Variants in ESR1 observed in about 807,000 individuals in gnomAD.
ESR1 encodes the protein estrogen receptor.
ESR1 carries 12 observed loss-of-function variants against 52.7 expected under a neutral mutation model. That is an observed-to-expected ratio of 0.23 (90% CI 0.15 to 0.37). ESR1 has a LOEUF of 0.37. ESR1 is among the 10% of genes least tolerant of loss of function. The pLI is 1.00. For synonymous variants in ESR1, 305 were observed against 316.8 expected (o/e 0.96, Z 0.39); for missense variants, 584 against 779.7 (o/e 0.75, Z 2.99).
chr6:151,793,644 A>G (rs1776420334), intron 2 of ESR1, among the ~76,000 whole-genome samples: 1 of 152,166 alleles, frequency 6.6e-6, no homozygotes, highest in Non-Finnish European at 1.5e-5. Context: ...CAATGTCAGG[A>G]GGCAATAGGA....
intron 1 of ESR1, among the ~76,000 whole-genome samples, chr6:151,671,494 C>T (rs1778057332): frequency 6.6e-6 from 1 of 152,000 alleles, no homozygotes; most frequent in Non-Finnish European, 1.5e-5. Context: ...AACTCGTAGA[C>T]ACAGAGAGGA....
chr6:151,913,265 C>T (rs1412558630), intron 3 of ESR1, among the ~76,000 whole-genome samples: 2 of 152,168 alleles, frequency 1.3e-5, no homozygotes, highest in Admixed American at 6.5e-5. Context: ...TACTTTGTCA[C>T]GTCACATGCC....
upstream of ESR1, among the ~76,000 whole-genome samples, chr6:151,806,093 T>C (rs1369191192): frequency 6.6e-6 from 1 of 152,220 alleles, no homozygotes; most frequent in Admixed American, 6.5e-5. Flanking sequence ...TTATGGAAAT[T>C]AAATCATCTG....
intron 4 of ESR1, among the ~76,000 whole-genome samples, chr6:151,985,076 A>T (rs1019738363): frequency 5.9e-5 from 9 of 152,132 alleles, no homozygotes; most frequent in Non-Finnish European, 1.0e-4. Context: ...CCCAACATAG[A>T]GTACTACACA....
intron 5 of ESR1, among the ~76,000 whole-genome samples, chr6:152,025,252 G>C (rs1003508351): frequency 6.6e-4 from 96 of 145,862 alleles, no homozygotes; most frequent in African/African-American, 2.3e-3. Flanking sequence ...TACAAAAATA[G>C]TTTGGAAGTT....
intron 2 of ESR1, among the ~76,000 whole-genome samples, chr6:151,790,323 A>G (rs1432750601): frequency 2.6e-5 from 4 of 152,208 alleles, no homozygotes; most frequent in African/African-American, 9.6e-5. Flanking sequence ...GTGGTGGGCC[A>G]GAGTTCTCTT....
At chr6:151,694,526 G>T (rs772181839) in intron 1 of ESR1, among the ~76,000 whole-genome samples, 1 of 152,146 alleles carries the variant, frequency 6.6e-6, no homozygotes, top group African/African-American at 2.4e-5. Flanking sequence ...GGTGGTTCAC[G>T]CCTATAATCC....
rs559247402 is a variant in ESR1, at chr6:151,868,308, A to G, written c.644-12347A>G. Among the ~76,000 whole-genome samples the G allele has an allele frequency of 6.6e-5, 10 of 152,032 alleles. No homozygotes were observed. In the East Asian group the frequency reaches 1.4e-3, roughly 21 times the overall value. ...ATGCCCGGCTAATTTTTGTATTTTTAGTAGAGATGGGGTTTTACCATATTG... is the reference window on the plus strand; with the variant it reads ...ATGCCCGGCTAATTTTTGTATTTTTGGTAGAGATGGGGTTTTACCATATTG... On this transcript the variant is annotated intron_variant, in intron 2 of 7. Coordinates refer to ENST00000206249, the MANE Select transcript of ESR1 (RefSeq NM_000125.4).
chr6:151,897,326 G>T (rs752662325), intron 3 of ESR1, among the ~76,000 whole-genome samples: 1 of 152,112 alleles, frequency 6.6e-6, no homozygotes, highest in Non-Finnish European at 1.5e-5. Context: ...TCATTACTTA[G>T]GTGTAGTAGT....
intron 6 of ESR1, among the ~76,000 whole-genome samples, chr6:152,121,326 A>G (rs1383164223): frequency 1.3e-5 from 2 of 152,210 alleles, no homozygotes; most frequent in African/African-American, 4.8e-5. Context: ...AGTGTGCTTT[A>G]AGAAGATTTC....
chr6:151,769,906 C>T (rs1345224124), intron 2 of ESR1, among the ~76,000 whole-genome samples: 1 of 151,900 alleles, frequency 6.6e-6, no homozygotes, highest in African/African-American at 2.4e-5. Flanking sequence ...CACGCGTCTG[C>T]AGTCCCGGCT....
At chr6:151,950,141 G>C (rs2036171672) in intron 4 of ESR1, among the ~76,000 whole-genome samples, 4 of 152,194 alleles carry the variant, frequency 2.6e-5, no homozygotes, top group Admixed American at 2.6e-4. Flanking sequence ...CTTCTGCCAT[G>C]ATTGTGAGGC....
chr6:151,751,424 TATC>T (rs1208292534), intron 2 of ESR1, among the ~76,000 whole-genome samples: 1 of 152,194 alleles, frequency 6.6e-6, no homozygotes, highest in Non-Finnish European at 1.5e-5. Flanking sequence ...TAACCCAACT[TATC>T]ATCATAGAAC....
intron 3 of ESR1, among the ~76,000 whole-genome samples, chr6:151,882,221 A>G (rs1194820153): frequency 6.6e-6 from 1 of 152,192 alleles, no homozygotes; most frequent in Non-Finnish European, 1.5e-5. Flanking sequence ...TTACAGTGAC[A>G]GGTTTCATAG....
chr6:151,965,948 C>T lies in ESR1; in HGVS notation c.1096+21440C>T, dbSNP rs9322348. 5.0e-3 allele frequency among the ~76,000 whole-genome samples: 766 copies of T among 152,248 alleles called. 6 individuals are homozygous for T. The highest frequency in any genetic ancestry group is 0.013 in the African/African-American group (549 of 41,558). ...ATTAGTTACTGTAATCACACAGTGA[C>T]GCTCAAGGAGGTATTTACTAAGCAT... On this transcript the variant is annotated intron_variant, in intron 4 of 7. Transcript: ENST00000206249.
At chr6:152,111,467 C>A (rs555759563) in intron 6 of ESR1, among the ~76,000 whole-genome samples, 12 of 152,170 alleles carry the variant, frequency 7.9e-5, no homozygotes, top group Non-Finnish European at 1.8e-4. Context: ...GGCCTTTCTG[C>A]GGACCTGCAA....
chr6:151,858,619 T>TA (rs1788320017), intron 2 of ESR1, among the ~76,000 whole-genome samples: 1 of 151,848 alleles, frequency 6.6e-6, no homozygotes, highest in East Asian at 1.9e-4. Flanking sequence ...ATCTGTGAAT[T>TA]AAAATAGTAC....
chr6:151,659,846 T>C (rs950924627), intron 1 of ESR1, among the ~76,000 whole-genome samples: 6 of 152,222 alleles, frequency 3.9e-5, no homozygotes, highest in Admixed American at 3.3e-4. Flanking sequence ...TGACTGATCA[T>C]TAAAGCCAAA....
intron 2 of ESR1, among the ~76,000 whole-genome samples, chr6:151,860,570 C>G (rs1788690922): frequency 1.3e-5 from 2 of 152,072 alleles, no homozygotes; most frequent in African/African-American, 4.8e-5. Flanking sequence ...TATGTATATA[C>G]ATGCACACAT....
Sources: allele counts gnomAD v4.1 joint callset (sites outside exome capture counted in the v4.1 genomes callset), GRCh38; gene constraint gnomAD v4.1.1; transcripts MANE v1.5; gene names NCBI Gene and HGNC (gene_info 2026-07-23, HGNC 2026-07-21).